The following UBAP2 variants were observed in gnomAD, a reference collection of about 807,000 sequenced individuals.
The protein encoded by UBAP2 is ubiquitin associated protein 2, also known as ubiquitin-associated protein 2.
Under a neutral mutation model 139.6 loss-of-function variants are expected in UBAP2, and 75 were observed. The observed-to-expected ratio is 0.54, with a 90% CI of 0.45 to 0.65. The LOEUF (loss-of-function observed/expected upper bound fraction) is 0.65. Ranked by LOEUF, UBAP2 falls within the 30% of genes least tolerant of loss-of-function variation. The probability of loss-of-function intolerance (pLI) is 0.00; values close to 1 mark genes in which losing one functional copy is unlikely to be tolerated. For missense variants in UBAP2, 1,368 were observed against 1,369.6 expected (o/e 1.00, Z 0.02); for synonymous variants, 526 against 526.2 (o/e 1.00, Z 0.01).
At position 33,934,966 on chromosome 9, in the gene UBAP2, G is replaced by A. The variant is rs542474436; in HGVS notation, c.1969+873C>T. On this transcript the variant is annotated intron_variant, in intron 17 of 28. Transcript: ENST00000379238. Reference sequence around the variant, plus strand: ...TACAGTTTCAACTGAGGCTCACCTCGGTCTGCTTAAGTTCAATATCCGCAC... The same window carrying A: ...TACAGTTTCAACTGAGGCTCACCTCAGTCTGCTTAAGTTCAATATCCGCAC... 1.6e-4 allele frequency among the ~76,000 whole-genome samples: 25 copies of A among 152,144 alleles called. No homozygotes were observed. In the South Asian group the frequency reaches 3.3e-3, roughly 20 times the overall value.
rs535102212 is a variant in UBAP2, at chr9:34,041,108, T to C, written c.-42+7717A>G. Among the ~76,000 whole-genome samples, 15 of 152,042 alleles carry C rather than the reference T, an allele frequency of 9.9e-5. No homozygotes were observed. The East Asian group carries it at 2.9e-3, about 29-fold the overall frequency. On this transcript the variant is annotated intron_variant, in intron 1 of 28. Coordinates refer to ENST00000379238, the MANE Select transcript of UBAP2 (RefSeq NM_001370062.2). Reference sequence around the variant, plus strand: ...AAATGAGACAAATATCCATCAACAATGAAATAGACAACATATGGCACATCC... The same window carrying C: ...AAATGAGACAAATATCCATCAACAACGAAATAGACAACATATGGCACATCC...
chr9:34,000,911 T>C (rs1365552341), intron 2 of UBAP2, among the ~76,000 whole-genome samples: 1 of 152,190 alleles, frequency 6.6e-6, no homozygotes, highest in Non-Finnish European at 1.5e-5. Flanking sequence ...AAAAAGACAT[T>C]GGTACAGAAA....
At position 33,941,633 on chromosome 9, in the gene UBAP2, C is replaced by T; in HGVS notation, c.1929+16G>A. 2 of 1,609,188 alleles carry T rather than the reference C, an allele frequency of 1.2e-6. No homozygotes were observed. The highest frequency in any genetic ancestry group is 1.7e-6 in the Non-Finnish European group (2 of 1,176,116). On this transcript the variant is annotated intron_variant, in intron 16 of 28. Coordinates refer to ENST00000379238, the MANE Select transcript of UBAP2 (RefSeq NM_001370062.2). ...AGACGGACATCTTCTGAGAAAAAAA[C>T]TAAAATACCACTTACCATGATGGTT... is the stretch of plus-strand genomic sequence containing the variant.
intron 2 of UBAP2, among the ~76,000 whole-genome samples, chr9:34,008,067 G>A (rs1469908906): frequency 3.9e-5 from 6 of 151,904 alleles, no homozygotes; most frequent in Non-Finnish European, 5.9e-5. Flanking sequence ...CCTGGGAGGC[G>A]AAGGTTGTAG....
chr9:34,038,851 C>T (rs1346680633), intron 1 of UBAP2, among the ~76,000 whole-genome samples: 4 of 150,810 alleles, frequency 2.7e-5, no homozygotes, highest in East Asian at 2.0e-4. Flanking sequence ...CGTCTCTGCC[C>T]GGCCGCCCAT....
chr9:34,008,946 A>G (rs1587652622), intron 2 of UBAP2, among the ~76,000 whole-genome samples: 1 of 136,448 alleles, frequency 7.3e-6, no homozygotes, highest in Non-Finnish European at 1.5e-5. Flanking sequence ...GCCTGGCGAC[A>G]CAGCGAGACT....
At chr9:34,014,645 A>G (rs1320760890) in intron 2 of UBAP2, among the ~76,000 whole-genome samples, 1 of 151,938 alleles carries the variant, frequency 6.6e-6, no homozygotes, top group Non-Finnish European at 1.5e-5. Flanking sequence ...ACAAAAAAAA[A>G]TTAGGCAGGC....
chr9:33,922,215 G>GT lies in UBAP2; in HGVS notation c.*288dup. ...TGAAGAAGACCTGAAGGCAGATGGG[G>GT]TGGGGGTGCTTATTTTGCTACAGTG... On this transcript the variant is annotated 3_prime_UTR_variant, in exon 29 of 29. Coordinates refer to ENST00000379238, the MANE Select transcript of UBAP2 (RefSeq NM_001370062.2). 2 of 424,626 alleles carry GT rather than the reference G, an allele frequency of 4.7e-6. No individual in the cohort carries two copies. Among genetic ancestry groups the GT allele is most frequent in the Non-Finnish European group, 8.7e-6 (2 of 229,106 alleles). The allele number at this position is 424,626 out of a possible 1,614,324, so 26.3% of individuals were successfully genotyped here. A position where few individuals can be genotyped will look rare whatever the true frequency, so the allele number is the denominator to read the frequency against.
chr9:34,027,213 G>A (rs1028190201), intron 1 of UBAP2, among the ~76,000 whole-genome samples: 2 of 152,134 alleles, frequency 1.3e-5, no homozygotes, highest in Middle Eastern at 3.2e-3. Flanking sequence ...AGGTACGGTG[G>A]CTCACACCTG....
rs1319896673 is a variant in UBAP2, at chr9:34,038,957, C to G, written c.-42+9868G>C. ...ACCCCATCTGGGATGTGAGGAGCGC[C>G]TCTGCCCGACCGCGACCCCGTCTGG... is the stretch of plus-strand genomic sequence containing the variant. On this transcript the variant is annotated intron_variant, in intron 1 of 28. Transcript: ENST00000379238. Among the ~76,000 whole-genome samples the G allele has an allele frequency of 2.0e-5, 3 of 151,224 alleles. No individual in the cohort carries two copies. In the East Asian group the frequency reaches 5.9e-4, roughly 30 times the overall value.
rs536519679 is a variant in UBAP2 at position 33,972,746 on chromosome 9, A to G, written c.575+437T>C. ...TCAATTCAGGAAAAAGGTATCACTC[A>G]TACATAAATAAGCATTACATTTACT... is the stretch of plus-strand genomic sequence containing the variant. On this transcript the variant is annotated intron_variant, in intron 7 of 28. Transcript: ENST00000379238. Among the ~76,000 whole-genome samples, 5 of 152,366 alleles carry G rather than the reference A, an allele frequency of 3.3e-5. No homozygotes were observed. The South Asian group carries it at 1.0e-3, about 32-fold the overall frequency.
At chr9:33,989,839 G>A (rs558056423) in intron 4 of UBAP2, among the ~76,000 whole-genome samples, 1 of 152,086 alleles carries the variant, frequency 6.6e-6, no homozygotes, top group East Asian at 1.9e-4. Context: ...AAAGCTCCAG[G>A]AATACAACCT....
rs1432753855 is a variant in UBAP2 at position 33,923,398 on chromosome 9, G to A, written c.2877C>T (p.Gly959=). 6.2e-7 allele frequency: 1 copy of A among 1,614,170 alleles called. No individual in the cohort carries two copies. The highest frequency in any genetic ancestry group is 1.1e-5 in the South Asian group (1 of 91,086). The change falls in exon 25 of 29, where the codon GGC becomes GGT. Residue 959 remains glycine (G), a synonymous_variant. Transcript: ENST00000379238. Reference sequence around the variant, plus strand: ...CCTCACCTGTACTGTAGCCGTGCTGGCCATAACCACTGGCCTGCTGGAAGG... The same window carrying A: ...CCTCACCTGTACTGTAGCCGTGCTGACCATAACCACTGGCCTGCTGGAAGG... The part of the protein sequence containing the change: ...TPPFQQASGY[G]QHGYSTGYDD...
chr9:33,977,660 T>C (rs1820271328), intron 6 of UBAP2, among the ~76,000 whole-genome samples: 1 of 151,666 alleles, frequency 6.6e-6, no homozygotes, highest in African/African-American at 2.4e-5. Context: ...TGAATGATTG[T>C]TCAAGGTTTT....
At chr9:33,962,205 A>G (rs10971825) in intron 9 of UBAP2, among the ~76,000 whole-genome samples, 30,264 of 152,220 alleles carry the variant, frequency 0.2, 3,842 homozygotes, top group East Asian at 0.59. Flanking sequence ...AAAGTACTCT[A>G]AAGCTTAAAA....
chr9:33,969,096 TC>T (rs1396800260), intron 8 of UBAP2, among the ~76,000 whole-genome samples: 1 of 150,626 alleles, frequency 6.6e-6, no homozygotes, highest in African/African-American at 2.5e-5. Flanking sequence ...TGAGGTTTTT[TC>T]CCCCCAGACA....
chr9:33,933,747 A>T, intron 17 of UBAP2, 119 bp from the exon 18 acceptor site: 1 of 1,412,798 alleles, frequency 7.1e-7, no homozygotes, highest in South Asian at 1.3e-5. Flanking sequence ...ACGTCCATAA[A>T]GTTACATTCC....
At chr9:33,940,337 G>A (rs1821040691) in intron 16 of UBAP2, among the ~76,000 whole-genome samples, 1 of 152,098 alleles carries the variant, frequency 6.6e-6, no homozygotes, top group African/African-American at 2.4e-5. Flanking sequence ...GCAAGGGCTT[G>A]GATTTACTCA....
At chr9:33,969,832 C>T (rs1280624730) in intron 8 of UBAP2, among the ~76,000 whole-genome samples, 2 of 150,986 alleles carry the variant, frequency 1.3e-5, no homozygotes, top group East Asian at 2.0e-4. Context: ...TGCCATTGCA[C>T]TCCAGCCTGG....
Sources: allele counts gnomAD v4.1 joint callset (sites outside exome capture counted in the v4.1 genomes callset), GRCh38; gene constraint gnomAD v4.1.1; transcripts MANE v1.5; gene names NCBI Gene and HGNC (gene_info 2026-07-23, HGNC 2026-07-21).